The following CHST9 variants were observed in gnomAD, a reference collection of about 807,000 sequenced individuals.
CHST9 encodes carbohydrate sulfotransferase 9.
Under a neutral mutation model 44.4 loss-of-function variants are expected in CHST9, and 41 were observed. That is an observed-to-expected ratio of 0.92 (90% CI 0.72 to 1.20). The LOEUF is 1.20. CHST9 is among the 50% of genes most tolerant of loss of function. The probability of loss-of-function intolerance (pLI) is 0.00; values close to 1 mark genes in which losing one functional copy is unlikely to be tolerated. For synonymous variants in CHST9, 171 were observed against 178.4 expected (o/e 0.96, Z 0.33); for missense variants, 504 against 516.5 (o/e 0.98, Z 0.23).
Position 26,908,975 on chromosome 18 carries a change from G to T in CHST9, c.*7284C>A, listed in dbSNP as rs902039103. 1 of 152,182 alleles carries T rather than the reference G, an allele frequency of 6.6e-6. No homozygotes were observed. Among genetic ancestry groups the T allele is most frequent in the East Asian group, 1.9e-4 (1 of 5,192 alleles). 9.4% of individuals were successfully genotyped at this position (152,182 alleles called of 1,614,324 possible). On this transcript the variant is annotated 3_prime_UTR_variant, in exon 6 of 6. Transcript: ENST00000618847. ...GTCTTCACTTGTTCAATGTGAAGTT[G>T]AGTTGCCAAAATTGCCTTCAGTACA...
chr18:26,908,189 CG>C lies in CHST9; in HGVS notation c.*8069del, dbSNP rs2055393763. Reference sequence around the variant, plus strand: ...ATCCCAGCACTTTGGGAGGCTGTGGCGGATGGGTCACGAGGTCAAGAGATCG... The same window carrying C: ...ATCCCAGCACTTTGGGAGGCTGTGGCGATGGGTCACGAGGTCAAGAGATCG... On this transcript the variant is annotated 3_prime_UTR_variant, in exon 6 of 6. Transcript: ENST00000618847. 6.6e-6 allele frequency: 1 copy of C among 152,520 alleles called. No individual in the cohort carries two copies. The highest frequency in any genetic ancestry group is 2.1e-4 in the South Asian group (1 of 4,836). 9.4% of individuals were successfully genotyped at this position (152,520 alleles called of 1,614,324 possible).
At chr18:27,180,304 A>G (rs1200211923) in intron 1 of CHST9, among the ~76,000 whole-genome samples, 1 of 152,320 alleles carries the variant, frequency 6.6e-6, no homozygotes, top group Middle Eastern at 3.4e-3. Flanking sequence ...GAGCGTTAGT[A>G]GTGAAATACA....
chr18:27,067,601 T>C (rs2057795645), intron 2 of CHST9, among the ~76,000 whole-genome samples: 1 of 152,176 alleles, frequency 6.6e-6, no homozygotes, highest in Non-Finnish European at 1.5e-5. Flanking sequence ...TGGTTTGTTT[T>C]GAGGAGGATT....
intron 4 of CHST9, among the ~76,000 whole-genome samples, chr18:26,957,399 A>G (rs984426336): frequency 6.6e-6 from 1 of 152,174 alleles, no homozygotes. Flanking sequence ...ACTAATATAG[A>G]TAGTGTAGAC....
At chr18:27,005,855 C>G (rs2057010039) in intron 4 of CHST9, among the ~76,000 whole-genome samples, 2 of 152,056 alleles carry the variant, frequency 1.3e-5, no homozygotes, top group South Asian at 4.1e-4. Context: ...CCCTGAGCCA[C>G]TAATATTGAT....
chr18:27,173,408 C>G (rs2058846867), intron 1 of CHST9, among the ~76,000 whole-genome samples: 1 of 152,026 alleles, frequency 6.6e-6, no homozygotes, highest in East Asian at 1.9e-4. Flanking sequence ...CATCAGTAAT[C>G]TCATACTTTG....
chr18:27,089,910 A>C (rs1043992658), intron 2 of CHST9, among the ~76,000 whole-genome samples: 23 of 147,476 alleles, frequency 1.6e-4, no homozygotes, highest in African/African-American at 5.6e-4. Context: ...TCCCAGGTTC[A>C]CGCCGTTCTC....
intron 3 of CHST9, among the ~76,000 whole-genome samples, chr18:27,027,816 A>G (rs943499755): frequency 6.6e-6 from 1 of 152,168 alleles, no homozygotes; most frequent in African/African-American, 2.4e-5. Context: ...AAAAGGCACA[A>G]AGCAGAATCC....
At chr18:27,162,469 A>G (rs952195890) in intron 1 of CHST9, among the ~76,000 whole-genome samples, 2 of 152,292 alleles carry the variant, frequency 1.3e-5, no homozygotes, top group East Asian at 1.9e-4. Context: ...AGTTTCTGCC[A>G]AGAGATCCGC....
intron 4 of CHST9, among the ~76,000 whole-genome samples, chr18:26,966,402 C>T (rs1317814485): frequency 2.0e-5 from 3 of 152,168 alleles, no homozygotes; most frequent in Non-Finnish European, 4.4e-5. Context: ...CAGAAATATA[C>T]ACTCATTTTA....
intron 4 of CHST9, among the ~76,000 whole-genome samples, chr18:27,014,872 G>A (rs1199780053): frequency 6.6e-6 from 1 of 151,920 alleles, no homozygotes; most frequent in Non-Finnish European, 1.5e-5. Flanking sequence ...TGCTTTCCCA[G>A]TTTTTGTCAT....
At chr18:26,962,536 C>T (rs1200020187) in intron 4 of CHST9, among the ~76,000 whole-genome samples, 7 of 152,154 alleles carry the variant, frequency 4.6e-5, no homozygotes, top group Admixed American at 3.3e-4. Context: ...AGTGATCCAC[C>T]CACCTCAGCT....
At chr18:27,078,611 G>A (rs149123880) in intron 2 of CHST9, among the ~76,000 whole-genome samples, 12 of 152,256 alleles carry the variant, frequency 7.9e-5, no homozygotes, top group African/African-American at 2.6e-4. Flanking sequence ...ACTTGCCTGA[G>A]GCTTCCCCAC....
At chr18:26,987,161 A>G (rs2056763304) in intron 4 of CHST9, among the ~76,000 whole-genome samples, 1 of 152,196 alleles carries the variant, frequency 6.6e-6, no homozygotes, top group Non-Finnish European at 1.5e-5. Flanking sequence ...TTCTCATGAC[A>G]ATAAGTCAGT....
In CHST9 at chr18:26,973,454, A is replaced by C. The variant is rs374643622; in HGVS notation, c.203-29088T>G. Among the ~76,000 whole-genome samples, 5 of 152,346 alleles carry C rather than the reference A, an allele frequency of 3.3e-5. No individual in the cohort carries two copies. The South Asian group carries it at 8.3e-4, about 25-fold the overall frequency. ...GGCCCCGGGTTCAAGTAGTCTCATA[A>C]AAGCTGGAGAAGGTGTTGCTTTAGA... On this transcript the variant is annotated intron_variant, in intron 4 of 5. Coordinates refer to ENST00000618847, the MANE Select transcript of CHST9 (RefSeq NM_031422.6).
intron 2 of CHST9, among the ~76,000 whole-genome samples, chr18:27,074,518 C>T (rs921428173): frequency 6.6e-6 from 1 of 152,008 alleles, no homozygotes; most frequent in Non-Finnish European, 1.5e-5. Flanking sequence ...TTATCCTTCC[C>T]CCGTCTGTCA....
intron 5 of CHST9, among the ~76,000 whole-genome samples, chr18:26,921,419 G>T (rs12965283): frequency 6.6e-6 from 1 of 151,960 alleles, no homozygotes; most frequent in African/African-American, 2.4e-5. Flanking sequence ...TGAGATATGG[G>T]AAAAGGGTTA....
intron 4 of CHST9, among the ~76,000 whole-genome samples, chr18:27,001,034 G>A (rs148905600): frequency 1.1e-3 from 169 of 152,234 alleles, no homozygotes; most frequent in African/African-American, 3.8e-3. Flanking sequence ...GCCCCCAAAG[G>A]TTATAAAGCA....
chr18:27,123,524 T>C (rs942599102), intron 2 of CHST9, among the ~76,000 whole-genome samples: 2 of 152,160 alleles, frequency 1.3e-5, no homozygotes, highest in African/African-American at 4.8e-5. Context: ...ACCATCATGC[T>C]GTGGGTTTAA....
Sources: gnomAD v4.1 joint callset for allele counts (sites outside exome capture counted in the v4.1 genomes callset) on GRCh38, gnomAD v4.1.1 for gene constraint, MANE v1.5 for transcripts, NCBI Gene and HGNC (gene_info 2026-07-23, HGNC 2026-07-21) for gene names.